The following STXBP2 variants were observed in gnomAD, a reference collection of about 807,000 sequenced individuals.
STXBP2 encodes syntaxin-binding protein 2.
In STXBP2, 47 loss-of-function variants were observed where a neutral mutation model predicts 72.2. The observed-to-expected ratio is 0.65, with a 90% confidence interval of 0.51 to 0.83. STXBP2 has a LOEUF of 0.83. Among genes scored for constraint, STXBP2 ranks in the 40% least tolerant of loss-of-function variants. The probability of loss-of-function intolerance (pLI) is 0.00; values close to 1 mark genes in which losing one functional copy is unlikely to be tolerated. For missense variants in STXBP2, 702 were observed against 807.6 expected, an observed-to-expected ratio of 0.87 and a Z score of 1.58; for synonymous variants, 367 against 338.7, an observed-to-expected ratio of 1.08 and a Z score of -0.92.
At chr19:7,645,788 C>T (rs557886716) in intron 15 of STXBP2, among the ~76,000 whole-genome samples, 1 of 151,802 alleles carries the variant, frequency 6.6e-6, no homozygotes, top group African/African-American at 2.4e-5. Flanking sequence ...CCATCTCTCC[C>T]CCATCCCTCA....
chr19:7,633,380 G>A, upstream of STXBP2: 4 of 1,553,422 alleles, frequency 2.6e-6, no homozygotes, highest in Non-Finnish European at 3.5e-6. Flanking sequence ...TTGAGCTGGG[G>A]GTGGGGTGGG....
chr19:7,646,849 G>C (rs953239362), intron 16 of STXBP2: 74 of 507,822 alleles, frequency 1.5e-4, no homozygotes, highest in Non-Finnish European at 3.9e-5. Flanking sequence ...CCAAAGGGCT[G>C]GGGGTATTGA....
intron 1 of STXBP2, among the ~76,000 whole-genome samples, chr19:7,638,518 C>A (rs1178744052): frequency 1.3e-5 from 2 of 152,136 alleles, no homozygotes; most frequent in Non-Finnish European, 2.9e-5. Flanking sequence ...AAGAGGATCG[C>A]TGGAGCCCAG....
At chr19:7,639,551 C>T (rs1568463695) in intron 3 of STXBP2, 180 bp from the exon 4 acceptor site, 1 of 664,666 alleles carries the variant, frequency 1.5e-6, no homozygotes, top group Non-Finnish European at 2.7e-6. Context: ...GTTGGCTGCA[C>T]AACCCCTGCA....
intron 13 of STXBP2, among the ~76,000 whole-genome samples, chr19:7,644,016 C>CCTGGGTGAGGGGTGGAACCTT (rs1568469302): frequency 2.2e-4 from 14 of 63,424 alleles, no homozygotes; most frequent in Admixed American, 3.2e-4. Context: ...GGTGGAACCT[C>CCTGGGTGAGGGGTGGAACCTT]GGAGAGGTGG....
At chr19:7,645,430 G>T (rs2032095029) in intron 15 of STXBP2, 124 bp downstream of exon 15, 5 of 952,256 alleles carry the variant, frequency 5.3e-6, no homozygotes, top group Admixed American at 2.2e-5. Flanking sequence ...TGGTTGCTGG[G>T]AGGCCAAAAG....
upstream of STXBP2, chr19:7,633,323 AT>A: frequency 7.5e-7 from 1 of 1,336,060 alleles, no homozygotes. Context: ...TCACTCGTTA[AT>A]TAGGTGCCCT....
rs375337142 is a variant in STXBP2, at chr19:7,642,128, C to A, written c.663+10C>A. 3.1e-6 allele frequency: 5 copies of A among 1,614,006 alleles called. No homozygotes were observed. The highest frequency in any genetic ancestry group is 1.7e-4 in the Middle Eastern group (1 of 6,060). ...TCCCAGTCTGGGCGAGGTGAGGGGGCGTGCTTGGGAGGTGAGGGGCAGCCC... is the reference window on the plus strand; with the variant it reads ...TCCCAGTCTGGGCGAGGTGAGGGGGAGTGCTTGGGAGGTGAGGGGCAGCCC... On this transcript the variant is annotated intron_variant, in intron 8 of 18. Transcript: ENST00000221283. The surrounding 1 kb of genome is among the most constrained non-coding windows in gnomAD (Gnocchi z 6.0).
chr19:7,636,559 A>T (rs1325236674), upstream of STXBP2: 1 of 149,432 alleles, frequency 6.7e-6, no homozygotes, highest in Admixed American at 6.6e-5. Flanking sequence ...TGGATTAGGG[A>T]TCCCGCTAAG....
chr19:7,633,440 C>T, upstream of STXBP2: 1 of 1,577,264 alleles, frequency 6.3e-7, no homozygotes. Flanking sequence ...CCTCCGTCTT[C>T]TCCTCCTGAT....
chr19:7,630,906 T>G, the STXBP2 span: 1 of 1,534,728 alleles, frequency 6.5e-7, no homozygotes, highest in Admixed American at 2.0e-5. Flanking sequence ...GTATCCGGGA[T>G]GGGTTTTAGA....
Position 7,644,693 on chromosome 19 carries a change from C to T in STXBP2, c.1187C>T (p.Ala396Val), listed in dbSNP as rs752188214. The T allele has an allele frequency of 9.3e-6, 15 of 1,613,638 alleles. No individual in the cohort carries two copies. The highest frequency in any genetic ancestry group is 4.5e-5 in the East Asian group (2 of 44,868). ...CTGATCGTTCCGGTGCTGCTGGACG[C>T]GGCGGTGCCCGCCTACGACAAGATC... Reference protein sequence around the residue: ...MKLIVPVLLDAAVPAYDKIRV... With the variant: ...MKLIVPVLLDVAVPAYDKIRV... The change falls in exon 14 of 19, where the codon GCG becomes GTG. Residue 396 changes from alanine to valine, a missense_variant. Transcript: ENST00000221283.
At chr19:7,637,049 G>C (rs974674676), upstream of STXBP2, 3 of 1,198,252 alleles carry the variant, frequency 2.5e-6, no homozygotes, top group Non-Finnish European at 3.1e-6. Flanking sequence ...CGCAGGGGGC[G>C]GGGACAGGGC....
At chr19:7,632,997 C>A, upstream of STXBP2, 1 of 1,424,030 alleles carries the variant, frequency 7.0e-7, no homozygotes, top group Non-Finnish European at 9.2e-7. The surrounding 1 kb of genome is among the most constrained non-coding windows in gnomAD (Gnocchi z 5.2). Flanking sequence ...CTGAATGAGA[C>A]ATGAGTCTCC....
chr19:7,639,972 G>T (rs939589412), intron 4 of STXBP2, 165 bp downstream of exon 4: 2 of 793,658 alleles, frequency 2.5e-6, no homozygotes, highest in Non-Finnish European at 4.2e-6. Flanking sequence ...ATCTGTGTAT[G>T]CATGTGTGTG....
intron 13 of STXBP2, 152 bp from the exon 14 acceptor site, chr19:7,644,462 G>T: frequency 9.8e-7 from 1 of 1,024,670 alleles, no homozygotes; most frequent in South Asian, 1.5e-5. Flanking sequence ...ACTGTCCCTG[G>T]ACAGGGGTGG....
At chr19:7,639,888 TTGCATGTG>T (rs747846345) in intron 4 of STXBP2, 81 bp downstream of exon 4, 35 of 1,414,172 alleles carry the variant, frequency 2.5e-5, no homozygotes, top group African/African-American at 4.2e-5. Flanking sequence ...ATGCATGTGA[TTGCATGTG>T]TGCATGTGTA....
chr19:7,639,772 C>G lies in STXBP2; in HGVS notation c.211C>G (p.Leu71Val). Residue 71 changes from leucine to valine, a missense_variant, in exon 4 of 19, where the codon CTG becomes GTG. By Grantham distance (32) the Leu-to-Val change is conservative. Coordinates refer to ENST00000221283, the MANE Select transcript of STXBP2 (RefSeq NM_006949.4). Reference sequence around the variant, plus strand: ...CAAACGGCGGGAACCCATTCCCAGTCTGGAGGCCATTTATTTGCTGAGCCC... The same window carrying G: ...CAAACGGCGGGAACCCATTCCCAGTGTGGAGGCCATTTATTTGCTGAGCCC... ...INKRREPIPS[L>V]EAIYLLSPTE... is the part of the protein sequence containing the mutation. 1 of 1,613,832 alleles carries G rather than the reference C, an allele frequency of 6.2e-7. No homozygotes were observed. The highest frequency in any genetic ancestry group is 2.2e-5 in the East Asian group (1 of 44,894).
intron 13 of STXBP2, 60 bp downstream of exon 13, chr19:7,643,305 G>A: frequency 2.6e-6 from 4 of 1,559,844 alleles, no homozygotes; most frequent in Non-Finnish European, 3.5e-6. Flanking sequence ...GTATTGGGGA[G>A]GGGCTGAACT....
Sources: gnomAD v4.1 joint callset for allele counts (sites outside exome capture counted in the v4.1 genomes callset) on GRCh38, gnomAD v4.1.1 for gene constraint, Gnocchi (gnomAD v3.1) non-coding constraint, MANE v1.5 for transcripts, NCBI Gene and HGNC (gene_info 2026-07-23, HGNC 2026-07-21) for gene names.